RABGAP1L: variants seen among roughly 807,000 people sequenced by gnomAD.
The protein encoded by RABGAP1L is rab GTPase-activating protein 1-like.
RABGAP1L carries 63 observed loss-of-function variants against 137.7 expected under a neutral mutation model. The ratio of observed to expected loss-of-function variants is 0.46; its 90% CI spans 0.37 to 0.56. The LOEUF (loss-of-function observed/expected upper bound fraction) is 0.56. Ranked by LOEUF, RABGAP1L falls within the 20% of genes least tolerant of loss-of-function variation. The pLI is 0.00. For missense variants in RABGAP1L, 1,095 were observed against 1,244.0 expected (o/e 0.88, Z 1.80); for synonymous variants, 431 against 433.7 (o/e 0.99, Z 0.08).
intron 7 of RABGAP1L, among the ~76,000 whole-genome samples, chr1:174,268,403 C>T (rs1169331988): frequency 6.6e-6 from 1 of 151,934 alleles, no homozygotes; most frequent in Non-Finnish European, 1.5e-5. Context: ...GGAGGTTTCA[C>T]CATGTTAGCC....
chr1:174,683,971 G>C (rs547203380), intron 15 of RABGAP1L, among the ~76,000 whole-genome samples: 1 of 152,086 alleles, frequency 6.6e-6, no homozygotes, highest in Non-Finnish European at 1.5e-5. Flanking sequence ...CCTCTTTCCT[G>C]TCAGTTACCT....
chr1:174,460,277 T>C (rs1656530874), intron 13 of RABGAP1L, among the ~76,000 whole-genome samples: 2 of 152,056 alleles, frequency 1.3e-5, no homozygotes, highest in Non-Finnish European at 2.9e-5. Flanking sequence ...TTTTTAATTG[T>C]CAAAGAAATA....
At chr1:174,197,259 G>A (rs1667757335) in intron 1 of RABGAP1L, among the ~76,000 whole-genome samples, 1 of 152,222 alleles carries the variant, frequency 6.6e-6, no homozygotes, top group Non-Finnish European at 1.5e-5. Flanking sequence ...CTCATAAATA[G>A]TAGAGCCAGG....
chr1:174,214,439 C>T (rs145043128), intron 1 of RABGAP1L, among the ~76,000 whole-genome samples: 124 of 152,010 alleles, frequency 8.2e-4, no homozygotes, highest in Middle Eastern at 6.8e-3. Context: ...TAAATGTAAT[C>T]CATATCAAAA....
intron 13 of RABGAP1L, among the ~76,000 whole-genome samples, chr1:174,415,407 T>G (rs980181514): frequency 6.6e-6 from 1 of 151,766 alleles, no homozygotes; most frequent in Non-Finnish European, 1.5e-5. Context: ...ATTGCTGGAT[T>G]GGAATATCAT....
chr1:174,575,479 C>A (rs1471918310), intron 13 of RABGAP1L, among the ~76,000 whole-genome samples: 1 of 151,938 alleles, frequency 6.6e-6, no homozygotes, highest in Non-Finnish European at 1.5e-5. Context: ...TCTGAAAGAC[C>A]CATCATCAGT....
At chr1:174,349,970 C>A (rs1169392032) in intron 11 of RABGAP1L, among the ~76,000 whole-genome samples, 4 of 133,492 alleles carry the variant, frequency 3.0e-5, no homozygotes, top group Non-Finnish European at 6.7e-5. Flanking sequence ...GCTGACCCCC[C>A]CATCTCCCTC....
chr1:174,556,754 GC>G (rs1258084792), intron 13 of RABGAP1L, among the ~76,000 whole-genome samples: 1 of 152,208 alleles, frequency 6.6e-6, no homozygotes, highest in African/African-American at 2.4e-5. Flanking sequence ...ATGGCTTTAT[GC>G]AGTTTGATAA....
In RABGAP1L at chr1:174,275,820, T is replaced by A. The variant is rs772320451; in HGVS notation, c.1054-13T>A. On this transcript the variant is annotated splice_polypyrimidine_tract_variant and intron_variant, in intron 8 of 25. Transcript: ENST00000681986. Reference sequence around the variant, plus strand: ...ATGTCTTTTATCAGTAATTACTGTTTGAATTTTTATAGGAATCCATGGGAA... The same window carrying A: ...ATGTCTTTTATCAGTAATTACTGTTAGAATTTTTATAGGAATCCATGGGAA... 1.9e-6 allele frequency: 3 copies of A among 1,598,852 alleles called. No individual in the cohort carries two copies. The highest frequency in any genetic ancestry group is 2.6e-6 in the Non-Finnish European group (3 of 1,169,654).
At chr1:174,313,235 G>A (rs775032540) in intron 11 of RABGAP1L, among the ~76,000 whole-genome samples, 5 of 152,088 alleles carry the variant, frequency 3.3e-5, no homozygotes, top group Admixed American at 1.3e-4. Context: ...CCATAAATGG[G>A]ATTATTTTTT....
At chr1:174,949,829 A>G (rs755979582) in intron 19 of RABGAP1L, among the ~76,000 whole-genome samples, 1 of 152,250 alleles carries the variant, frequency 6.6e-6, no homozygotes, top group Non-Finnish European at 1.5e-5. Flanking sequence ...TGAGGAATTA[A>G]AAATGAACAG....
At chr1:174,721,452 T>C (rs1681533888) in intron 17 of RABGAP1L, among the ~76,000 whole-genome samples, 1 of 152,204 alleles carries the variant, frequency 6.6e-6, no homozygotes, top group African/African-American at 2.4e-5. Context: ...CCTTGGTGTG[T>C]TGATTTTTCT....
chr1:174,347,927 C>G (rs1682601780), intron 11 of RABGAP1L, among the ~76,000 whole-genome samples: 1 of 152,116 alleles, frequency 6.6e-6, no homozygotes, highest in Non-Finnish European at 1.5e-5. Flanking sequence ...TTGTAGGCAA[C>G]AGATCATTGG....
At chr1:174,253,130 A>G (rs1002168204) in intron 7 of RABGAP1L, among the ~76,000 whole-genome samples, 17 of 152,344 alleles carry the variant, frequency 1.1e-4, no homozygotes, top group Non-Finnish European at 2.5e-4. Context: ...TACAATATAC[A>G]TAAATTTCTT....
At chr1:174,384,546 A>T (rs1686575688) in intron 12 of RABGAP1L, among the ~76,000 whole-genome samples, 1 of 151,880 alleles carries the variant, frequency 6.6e-6, no homozygotes, top group South Asian at 2.1e-4. Context: ...AAAGAAATTT[A>T]TGTCTTATAC....
At position 174,828,064 on chromosome 1, in the gene RABGAP1L, G is replaced by A. The variant is rs570934988; in HGVS notation, c.2340+16104G>A. ...TAGAATTATTTACATAAAAACTTTTGTCCCTAAATTTTGACCCAATTTTAG... is the reference window on the plus strand; with the variant it reads ...TAGAATTATTTACATAAAAACTTTTATCCCTAAATTTTGACCCAATTTTAG... On this transcript the variant is annotated intron_variant, in intron 19 of 25. Coordinates refer to ENST00000681986, the MANE Select transcript of RABGAP1L (RefSeq NM_001366446.1). 3.0e-4 allele frequency among the ~76,000 whole-genome samples: 44 copies of A among 148,108 alleles called. 3 individuals are homozygous for A. Among genetic ancestry groups the A allele is most frequent in the African/African-American group, 9.6e-4 (39 of 40,690 alleles).
At chr1:174,906,002 C>T (rs534505318) in intron 19 of RABGAP1L, among the ~76,000 whole-genome samples, 6 of 152,044 alleles carry the variant, frequency 3.9e-5, no homozygotes, top group Non-Finnish European at 8.8e-5. Context: ...CTAAGCAGAA[C>T]AAGGAAGGGG....
intron 13 of RABGAP1L, among the ~76,000 whole-genome samples, chr1:174,510,938 A>G (rs1439123829): frequency 6.6e-6 from 1 of 152,232 alleles, no homozygotes; most frequent in East Asian, 1.9e-4. Flanking sequence ...TTGTATCCAC[A>G]TTCATTTTCT....
chr1:174,867,231 A>G (rs1651417885), intron 19 of RABGAP1L, among the ~76,000 whole-genome samples: 1 of 152,080 alleles, frequency 6.6e-6, no homozygotes, highest in Non-Finnish European at 1.5e-5. Flanking sequence ...AAATACAAAA[A>G]TTAGCCGGGT....
Sources: gnomAD v4.1 joint callset for allele counts (sites outside exome capture counted in the v4.1 genomes callset) on GRCh38, gnomAD v4.1.1 for gene constraint, MANE v1.5 for transcripts, NCBI Gene and HGNC (gene_info 2026-07-23, HGNC 2026-07-21) for gene names.